FSTL5: variants seen among roughly 807,000 people sequenced by gnomAD.
FSTL5 encodes follistatin-related protein 5.
In FSTL5, 62 loss-of-function variants were observed where a neutral mutation model predicts 89.1. That is an observed-to-expected ratio of 0.70 (90% CI 0.57 to 0.86). FSTL5 has a LOEUF of 0.86. Ranked by LOEUF, FSTL5 falls within the 40% of genes least tolerant of loss-of-function variation. FSTL5 has a pLI of 0.00. For synonymous variants in FSTL5, 383 were observed against 346.2 expected (o/e 1.11, Z -1.18); for missense variants, 1,057 against 1,001.6 (o/e 1.06, Z -0.75).
intron 1 of FSTL5, among the ~76,000 whole-genome samples, chr4:162,111,970 G>C (rs1285860597): frequency 1.3e-5 from 2 of 152,048 alleles, no homozygotes; most frequent in Admixed American, 1.3e-4. Flanking sequence ...TATTTAAAAA[G>C]GCATTTCCTA....
chr4:161,804,408 A>G (rs1729894964), intron 4 of FSTL5, among the ~76,000 whole-genome samples: 1 of 151,916 alleles, frequency 6.6e-6, no homozygotes, highest in Non-Finnish European at 1.5e-5. Context: ...TATTTTTCTT[A>G]ATATTGAGTT....
At chr4:161,912,407 T>C (rs1218111941) in intron 4 of FSTL5, among the ~76,000 whole-genome samples, 3 of 152,150 alleles carry the variant, frequency 2.0e-5, no homozygotes, top group Non-Finnish European at 4.4e-5. Context: ...AATTGAATCA[T>C]GGGGGCCAGT....
At chr4:161,512,262 T>C (rs1317983913) in intron 10 of FSTL5, among the ~76,000 whole-genome samples, 5 of 152,092 alleles carry the variant, frequency 3.3e-5, no homozygotes, top group African/African-American at 4.8e-5. Flanking sequence ...TGAGTACCAA[T>C]TGAGTACCTA....
intron 3 of FSTL5, among the ~76,000 whole-genome samples, chr4:161,972,479 C>T (rs1735512101): frequency 6.6e-6 from 1 of 152,196 alleles, no homozygotes; most frequent in South Asian, 2.1e-4. Flanking sequence ...CTGGAGCAAG[C>T]TCCCATGTTG....
Position 161,680,970 on chromosome 4 carries a change from T to A in FSTL5, c.728-24476A>T, listed in dbSNP as rs150142557. On this transcript the variant is annotated intron_variant, in intron 6 of 15. Coordinates refer to ENST00000306100, the MANE Select transcript of FSTL5 (RefSeq NM_020116.5). The stretch of plus-strand genomic sequence containing the variant: ...TAATAAATCATTCAGTTCAGTGAAG[T>A]GTAACACTGCAAATGGTAATGATGT... Among the ~76,000 whole-genome samples the A allele has an allele frequency of 5.9e-3, 902 of 152,154 alleles. 10 individuals are homozygous for A. Among genetic ancestry groups the A allele is most frequent in the South Asian group, 0.046 (222 of 4,828 alleles).
Position 161,920,446 on chromosome 4 carries a change from G to T in FSTL5, c.367C>A (p.Gln123Lys), listed in dbSNP as rs1481787026. The part of the protein sequence containing the change: ...EVHRAACLKK[Q>K]KITIVHNEDC... ...TCATTGTGAACAATGGTAATCTTTT[G>T]TTTTTTCAGGCAAGCAGCTCTGTGC... The change falls in exon 4 of 16, where the codon CAA (glutamine) becomes AAA (lysine). Residue 123 changes from glutamine to lysine, a missense_variant. This residue lies in a region of FSTL5 where 980 missense variants were observed against 903.2 expected (regional missense o/e 1.08). Coordinates refer to ENST00000306100, the MANE Select transcript of FSTL5 (RefSeq NM_020116.5). 3 of 1,613,796 alleles carry T rather than the reference G, an allele frequency of 1.9e-6. No individual in the cohort carries two copies. Among genetic ancestry groups the T allele is most frequent in the African/African-American group, 2.7e-5 (2 of 74,880 alleles).
chr4:161,471,108 A>G (rs1733919525), intron 13 of FSTL5, among the ~76,000 whole-genome samples: 1 of 152,226 alleles, frequency 6.6e-6, no homozygotes, highest in South Asian at 2.1e-4. Context: ...AAGCCAATAC[A>G]ATGTTAAGTA....
intron 4 of FSTL5, among the ~76,000 whole-genome samples, chr4:161,823,478 A>G (rs1290584007): frequency 1.3e-5 from 2 of 152,194 alleles, no homozygotes; most frequent in Non-Finnish European, 2.9e-5. Flanking sequence ...AACAACAGCC[A>G]GGCTTAGCCG....
chr4:161,600,462 C>A (rs1486726734), intron 7 of FSTL5, among the ~76,000 whole-genome samples: 1 of 151,592 alleles, frequency 6.6e-6, no homozygotes, highest in African/African-American at 2.4e-5. Flanking sequence ...TGTAAGTGAC[C>A]TACATAAACC....
chr4:162,134,035 G>T (rs1732422353), intron 1 of FSTL5, among the ~76,000 whole-genome samples: 1 of 152,156 alleles, frequency 6.6e-6, no homozygotes, highest in Admixed American at 6.5e-5. Flanking sequence ...GTAAATCACT[G>T]AAATTGTTTT....
At chr4:162,061,076 A>AT (rs1470600581) in intron 2 of FSTL5, among the ~76,000 whole-genome samples, 2 of 151,988 alleles carry the variant, frequency 1.3e-5, no homozygotes, top group Non-Finnish European at 2.9e-5. Context: ...ATTTAACTTT[A>AT]TTTTTTTGCT....
At chr4:161,411,886 G>A (rs1731605782) in intron 15 of FSTL5, among the ~76,000 whole-genome samples, 2 of 152,094 alleles carry the variant, frequency 1.3e-5, no homozygotes, top group Non-Finnish European at 2.9e-5. Context: ...ATCCAAATAG[G>A]AAAATAATTC....
At chr4:161,546,274 GCATATTATATATA>G (rs35813083) in intron 8 of FSTL5, among the ~76,000 whole-genome samples, 4,430 of 144,896 alleles carry the variant, frequency 0.031, 216 homozygotes, top group African/African-American at 0.1. Context: ...CTATAAATAT[GCATATTATATATA>G]CATATTATAT....
At chr4:161,935,093 T>G (rs186742882) in intron 3 of FSTL5, among the ~76,000 whole-genome samples, 1 of 152,242 alleles carries the variant, frequency 6.6e-6, no homozygotes, top group East Asian at 1.9e-4. Context: ...TTTAGGCAAT[T>G]TCCTGTGCTC....
chr4:161,840,733 A>G (rs1308485864), intron 4 of FSTL5, among the ~76,000 whole-genome samples: 3 of 152,192 alleles, frequency 2.0e-5, no homozygotes, highest in African/African-American at 7.2e-5. Flanking sequence ...ATTACTGTAC[A>G]GGATGAACTG....
intron 6 of FSTL5, among the ~76,000 whole-genome samples, chr4:161,751,430 G>C (rs1479569949): frequency 6.6e-6 from 1 of 152,082 alleles, no homozygotes; most frequent in Non-Finnish European, 1.5e-5. Context: ...AGAAAGCAAG[G>C]AAATGGTGCT....
At chr4:161,573,770 A>G (rs1560960376) in intron 8 of FSTL5, among the ~76,000 whole-genome samples, 1 of 150,728 alleles carries the variant, frequency 6.6e-6, no homozygotes, top group Non-Finnish European at 1.5e-5. Flanking sequence ...AAAGAAAATG[A>G]AAGAAAGACA....
intron 1 of FSTL5, among the ~76,000 whole-genome samples, chr4:162,113,552 A>C (rs1731527182): frequency 6.6e-6 from 1 of 152,146 alleles, no homozygotes; most frequent in Admixed American, 6.6e-5. Flanking sequence ...ACGTACTTTT[A>C]AGATAAAAAC....
chr4:161,469,984 T>C (rs1294571899), intron 13 of FSTL5, among the ~76,000 whole-genome samples: 3 of 152,294 alleles, frequency 2.0e-5, no homozygotes, highest in East Asian at 3.9e-4. Context: ...TCTATATACA[T>C]TGGATAGTAA....
Sources: gnomAD v4.1 joint callset for allele counts (sites outside exome capture counted in the v4.1 genomes callset) on GRCh38, gnomAD v4.1.1 for gene constraint, gnomAD v4.1.1 regional missense constraint, MANE v1.5 for transcripts, NCBI Gene and HGNC (gene_info 2026-07-23, HGNC 2026-07-21) for gene names.